Variants in CAPN5 observed in about 807,000 individuals in gnomAD.
CAPN5 encodes the protein calpain 5, also known as calpain-5.
A neutral mutation model predicts 73.0 loss-of-function variants in CAPN5; 54 were observed. The observed-to-expected ratio is 0.74, with a 90% CI of 0.59 to 0.93. CAPN5 has a LOEUF of 0.93. Among genes scored for constraint, CAPN5 ranks in the 40% least tolerant of loss-of-function variants. CAPN5 has a pLI of 0.00. For missense variants in CAPN5, 785 were observed against 882.9 expected (o/e 0.89, Z 1.41); for synonymous variants, 335 against 356.9 (o/e 0.94, Z 0.69).
intron 3 of CAPN5, among the ~76,000 whole-genome samples, chr11:77,108,516 G>A (rs565351584): frequency 4.6e-5 from 7 of 152,226 alleles, no homozygotes; most frequent in Admixed American, 2.0e-4. Flanking sequence ...GTGGACTGCC[G>A]GGCCAGGTGG....
At chr11:77,069,909 AC>A (rs1272602788) in intron 1 of CAPN5, among the ~76,000 whole-genome samples, 1 of 151,948 alleles carries the variant, frequency 6.6e-6, no homozygotes, top group Admixed American at 6.5e-5. Flanking sequence ...TGGTGGAGAC[AC>A]CCTGGGATTG....
At chr11:77,114,196 T>G in intron 4 of CAPN5, 46 bp from the exon 5 acceptor site, 1 of 1,581,302 alleles carries the variant, frequency 6.3e-7, no homozygotes. Context: ...GGATGCAGCC[T>G]GGCTGGGGAG....
At chr11:77,070,058 A>G (rs1313082179) in intron 1 of CAPN5, among the ~76,000 whole-genome samples, 2 of 152,086 alleles carry the variant, frequency 1.3e-5, no homozygotes, top group Non-Finnish European at 2.9e-5. Flanking sequence ...TCAGGCTTGG[A>G]TGGGGAAGCT....
chr11:77,092,497 G>C (rs1950157992), intron 2 of CAPN5, among the ~76,000 whole-genome samples: 2 of 152,246 alleles, frequency 1.3e-5, no homozygotes, highest in Admixed American at 6.5e-5. Context: ...CCTGGTACTG[G>C]AGCCCCCCTG....
chr11:77,100,426 G>A (rs1397111235), intron 3 of CAPN5, among the ~76,000 whole-genome samples: 4 of 137,900 alleles, frequency 2.9e-5, no homozygotes, highest in South Asian at 4.6e-4. Flanking sequence ...CGTCCCTCCC[G>A]CCCAGTCTGT....
chr11:77,100,419 C>T (rs1422734387), intron 3 of CAPN5, among the ~76,000 whole-genome samples: 1 of 151,914 alleles, frequency 6.6e-6, no homozygotes, highest in Non-Finnish European at 1.5e-5. Flanking sequence ...CACCGCTCGT[C>T]CCTCCCGCCC....
intron 2 of CAPN5, 28 bp from the exon 3 acceptor site, chr11:77,093,654 T>C (rs782453147): frequency 1.3e-6 from 2 of 1,548,350 alleles, no homozygotes; most frequent in African/African-American, 2.7e-5. Context: ...CCTCCGCCCC[T>C]CACGCTCTCT....
intron 1 of CAPN5, among the ~76,000 whole-genome samples, chr11:77,073,837 C>T (rs1949937509): frequency 1.3e-5 from 2 of 152,180 alleles, no homozygotes; most frequent in African/African-American, 4.8e-5. Flanking sequence ...CTCACTGGGC[C>T]TGGTTGCCTT....
At chr11:77,104,361 C>T (rs1950321230) in intron 3 of CAPN5, among the ~76,000 whole-genome samples, 1 of 152,196 alleles carries the variant, frequency 6.6e-6, no homozygotes, top group Admixed American at 6.5e-5. Flanking sequence ...GTGCTTCGTC[C>T]TGACATAGCA....
At chr11:77,112,564 T>C in intron 3 of CAPN5, 25 bp from the exon 4 acceptor site, 1 of 1,523,424 alleles carries the variant, frequency 6.6e-7, no homozygotes, top group Non-Finnish European at 9.1e-7. Flanking sequence ...TGTTCCCCCA[T>C]CCTATCCCCC....
At chr11:77,083,498 G>A (rs1049407864) in intron 1 of CAPN5, among the ~76,000 whole-genome samples, 4 of 152,182 alleles carry the variant, frequency 2.6e-5, no homozygotes, top group African/African-American at 9.7e-5. Context: ...GGTTTCCAGG[G>A]GAGCTTGGGC....
At chr11:77,103,468 C>A in intron 3 of CAPN5, 1 of 996,810 alleles carries the variant, frequency 1.0e-6, no homozygotes, top group Non-Finnish European at 1.5e-6. Flanking sequence ...CCCCTGAGTC[C>A]CACACCTTTC....
intron 3 of CAPN5, among the ~76,000 whole-genome samples, chr11:77,109,925 A>G (rs1307325748): frequency 2.6e-5 from 4 of 152,152 alleles, no homozygotes; most frequent in Admixed American, 2.6e-4. Context: ...CCTTCCTCCC[A>G]GCCATGGAGT....
chr11:77,082,616 G>T (rs1429329977), intron 1 of CAPN5, among the ~76,000 whole-genome samples: 1 of 152,206 alleles, frequency 6.6e-6, no homozygotes, highest in African/African-American at 2.4e-5. Flanking sequence ...TGGCAGGCAG[G>T]TGAGGCTGGA....
At chr11:77,119,539 T>C (rs34499401) in intron 9 of CAPN5, 35,573 of 203,544 alleles carry the variant, frequency 0.17, 3,150 homozygotes, top group Middle Eastern at 0.28. Context: ...CCTTCCTGCA[T>C]TGGAGGCCTT....
intron 1 of CAPN5, among the ~76,000 whole-genome samples, chr11:77,067,362 G>A (rs1555032248): frequency 2.1e-5 from 3 of 143,284 alleles, no homozygotes; most frequent in African/African-American, 7.7e-5. Context: ...GGGTGTCTCC[G>A]AGTCGTTTTC....
chr11:77,071,471 A>G, intron 1 of CAPN5: 1 of 337,614 alleles, frequency 3.0e-6, no homozygotes, highest in East Asian at 7.7e-5. Flanking sequence ...GCTCACCATC[A>G]CCCTACAAGG....
intron 1 of CAPN5, among the ~76,000 whole-genome samples, chr11:77,071,209 T>G (rs1555033007): frequency 6.6e-6 from 1 of 152,162 alleles, no homozygotes; most frequent in Non-Finnish European, 1.5e-5. Context: ...TCACAATGTC[T>G]GTCTCCCCTC....
intron 4 of CAPN5, 99 bp downstream of exon 4, chr11:77,112,896 A>G (rs1950426645): frequency 3.5e-6 from 4 of 1,150,696 alleles, no homozygotes; most frequent in Non-Finnish European, 5.1e-6. Context: ...TTAGGCACAG[A>G]GAAGTGAGGG....
Sources: allele counts gnomAD v4.1 joint callset (sites outside exome capture counted in the v4.1 genomes callset), GRCh38; gene constraint gnomAD v4.1.1; transcripts MANE v1.5; gene names NCBI Gene and HGNC (gene_info 2026-07-23, HGNC 2026-07-21).